PCDHGB5: variants seen among roughly 807,000 people sequenced by gnomAD.
PCDHGB5 encodes protocadherin gamma-B5.
Under a neutral mutation model 62.9 loss-of-function variants are expected in PCDHGB5, and 48 were observed. The observed-to-expected ratio is 0.76, with a 90% CI of 0.61 to 0.97. PCDHGB5 has a LOEUF of 0.97. PCDHGB5 is among the 50% of genes least tolerant of loss of function. The pLI is 0.00. For synonymous variants in PCDHGB5, 474 were observed against 511.2 expected, an observed-to-expected ratio of 0.93 and a Z score of 0.98; for missense variants, 1,118 against 1,198.6, an observed-to-expected ratio of 0.93 and a Z score of 0.99.
At chr5:141,401,667 C>T (rs539975682) in intron 1 of PCDHGB5, among the ~76,000 whole-genome samples, 1 of 152,340 alleles carries the variant, frequency 6.6e-6, no homozygotes, top group South Asian at 2.1e-4. Context: ...GTTTTCTCAA[C>T]ATCCTTGTAG....
At chr5:141,450,869 G>A (rs1435272731) in intron 1 of PCDHGB5, among the ~76,000 whole-genome samples, 1 of 147,142 alleles carries the variant, frequency 6.8e-6, no homozygotes, top group Admixed American at 6.9e-5. Context: ...CTGTCACCCA[G>A]GCTGGTGTGC....
intron 1 of PCDHGB5, among the ~76,000 whole-genome samples, chr5:141,405,967 G>A (rs76683972): frequency 6.6e-6 from 1 of 152,068 alleles, no homozygotes; most frequent in Non-Finnish European, 1.5e-5. Flanking sequence ...TGCTGTCAAC[G>A]TAAACCATAC....
rs745457172 is a variant in PCDHGB5 at position 141,490,744 on chromosome 5, C to T, written c.2398-4063C>T. The stretch of plus-strand genomic sequence containing the variant: ...TGTAGGAAATCAGGTTCAGGGAGCC[C>T]CAGCCTCCTCCTTTGTGTATGTCAA... On this transcript the variant is annotated intron_variant, in intron 1 of 3. Coordinates refer to ENST00000617380, the MANE Select transcript of PCDHGB5 (RefSeq NM_018925.3). The surrounding 1 kb of genome is among the most constrained non-coding windows in gnomAD (Gnocchi z 5.4). 1 of 1,614,142 alleles carries T rather than the reference C, an allele frequency of 6.2e-7. No homozygotes were observed. Among genetic ancestry groups the T allele is most frequent in the Non-Finnish European group, 8.5e-7 (1 of 1,180,006 alleles).
chr5:141,423,605 T>G lies in PCDHGB5; in HGVS notation c.2397+23081T>G. The G allele has an allele frequency of 1.6e-5, 26 of 1,612,620 alleles. No individual in the cohort carries two copies. Among genetic ancestry groups the G allele is most frequent in the Non-Finnish European group, 2.0e-5 (24 of 1,179,120 alleles). On this transcript the variant is annotated intron_variant, in intron 1 of 3. Transcript: ENST00000617380. Reference sequence around the variant, plus strand: ...AGCTGTGAGAAAAGCGAGCCACTCTTGATAGCTGAAGACTCAGCTATCATT... The same window carrying G: ...AGCTGTGAGAAAAGCGAGCCACTCTGGATAGCTGAAGACTCAGCTATCATT...
At chr5:141,473,450 T>A (rs2099322542) in intron 1 of PCDHGB5, among the ~76,000 whole-genome samples, 2 of 152,150 alleles carry the variant, frequency 1.3e-5, no homozygotes, top group South Asian at 4.1e-4. Flanking sequence ...AAAATAATTA[T>A]AAAATTTAAA....
At position 141,491,823 on chromosome 5, in the gene PCDHGB5, C is replaced by G; in HGVS notation, c.2398-2984C>G. Reference sequence around the variant, plus strand: ...GCCGGCTTGGTCGCTGGCTGCGCTCCACCCGATTCTCGGGATCATTGGACC... The same window carrying G: ...GCCGGCTTGGTCGCTGGCTGCGCTCGACCCGATTCTCGGGATCATTGGACC... On this transcript the variant is annotated intron_variant, in intron 1 of 3. Transcript: ENST00000617380. The surrounding 1 kb of genome is among the most constrained non-coding windows in gnomAD (Gnocchi z 6.9). The G allele has an allele frequency of 6.8e-7, 1 of 1,479,156 alleles. No individual in the cohort carries two copies. Among genetic ancestry groups the G allele is most frequent in the Non-Finnish European group, 9.0e-7 (1 of 1,115,292 alleles). 91.6% of individuals were successfully genotyped at this position (1,479,156 alleles called of 1,614,324 possible). A position where few individuals can be genotyped will look rare whatever the true frequency, so the allele number is the denominator to read the frequency against.
intron 1 of PCDHGB5, chr5:141,422,820 G>A (rs904706749): frequency 6.2e-6 from 10 of 1,614,178 alleles, no homozygotes; most frequent in Non-Finnish European, 7.6e-6. Flanking sequence ...ACTTAGAACT[G>A]AGAGTGATAG....
rs1225265096 is a variant in PCDHGB5 at position 141,490,666 on chromosome 5, G to A, written c.2398-4141G>A. Reference sequence around the variant, plus strand: ...GCCTCCGGGCTCCCTTCTTTGCACTGTGGCTGCCTCAGATCCAGACACTGG... The same window carrying A: ...GCCTCCGGGCTCCCTTCTTTGCACTATGGCTGCCTCAGATCCAGACACTGG... On this transcript the variant is annotated intron_variant, in intron 1 of 3. Coordinates refer to ENST00000617380, the MANE Select transcript of PCDHGB5 (RefSeq NM_018925.3). The surrounding 1 kb of genome is among the most constrained non-coding windows in gnomAD (Gnocchi z 5.4). The A allele has an allele frequency of 1.2e-6, 2 of 1,614,134 alleles. No homozygotes were observed. The highest frequency in any genetic ancestry group is 3.3e-5 in the Admixed American group (2 of 60,026).
chr5:141,427,683 G>T, intron 1 of PCDHGB5: 1 of 836,052 alleles, frequency 1.2e-6, no homozygotes, highest in African/African-American at 1.7e-5. Context: ...CCTTCCCGGA[G>T]CCTCCATCCC....
At chr5:141,495,710 G>C (rs2099763133) in intron 2 of PCDHGB5, among the ~76,000 whole-genome samples, 1 of 152,148 alleles carries the variant, frequency 6.6e-6, no homozygotes, top group Non-Finnish European at 1.5e-5. Flanking sequence ...TGTGGAGTGA[G>C]TAACTACACG....
At position 141,487,447 on chromosome 5, in the gene PCDHGB5, C is replaced by A. The variant is rs758411138; in HGVS notation, c.2398-7360C>A. 4.3e-6 allele frequency: 7 copies of A among 1,614,182 alleles called. No homozygotes were observed. The highest frequency in any genetic ancestry group is 5.9e-6 in the Non-Finnish European group (7 of 1,180,028). Reference sequence around the variant, plus strand: ...TCCGAATCCAGCTAGGGTCAGATGACCCTATCAAGTTTGTTGATGTGGGAG... The same window carrying A: ...TCCGAATCCAGCTAGGGTCAGATGAACCTATCAAGTTTGTTGATGTGGGAG... On this transcript the variant is annotated intron_variant, in intron 1 of 3. Coordinates refer to ENST00000617380, the MANE Select transcript of PCDHGB5 (RefSeq NM_018925.3). The surrounding 1 kb of genome is among the most constrained non-coding windows in gnomAD (Gnocchi z 5.0).
Position 141,423,504 on chromosome 5 carries a change from T to G in PCDHGB5, c.2397+22980T>G, listed in dbSNP as rs1448233226. ...TGCAAACCTATTCCCACGAGGTCTCTCTCATTGCGGACTCGCAGAAGAGTC... is the reference window on the plus strand; with the variant it reads ...TGCAAACCTATTCCCACGAGGTCTCGCTCATTGCGGACTCGCAGAAGAGTC... On this transcript the variant is annotated intron_variant, in intron 1 of 3. Transcript: ENST00000617380. The G allele has an allele frequency of 3.1e-6, 5 of 1,613,770 alleles. No individual in the cohort carries two copies. The Admixed American group carries it at 8.3e-5, about 27-fold the overall frequency.
At chr5:141,474,671 A>G (rs2099352865) in intron 1 of PCDHGB5, among the ~76,000 whole-genome samples, 1 of 152,204 alleles carries the variant, frequency 6.6e-6, no homozygotes, top group South Asian at 2.1e-4. Context: ...TACCTAACCT[A>G]TGTGCCTACC....
At chr5:141,488,872 T>C (rs773185475) in intron 1 of PCDHGB5, among the ~76,000 whole-genome samples, 4 of 151,794 alleles carry the variant, frequency 2.6e-5, no homozygotes, top group Non-Finnish European at 5.9e-5. Flanking sequence ...AGTGGGGAGG[T>C]AGGAAGCTTC....
rs554777335 is a variant in PCDHGB5, at chr5:141,398,121, A to C, written c.-7A>C. On this transcript the variant is annotated 5_prime_UTR_variant, in exon 1 of 4. Transcript: ENST00000617380. ...GGCTGGTGAGCAAGCTGAGGAGAGC[A>C]AGAGGGATGGGGAGCGGCGCCGGGG... is the stretch of plus-strand genomic sequence containing the variant. 28 of 1,590,306 alleles carry C rather than the reference A, an allele frequency of 1.8e-5. No individual in the cohort carries two copies. Among genetic ancestry groups the C allele is most frequent in the Admixed American group, 3.6e-5 (2 of 56,242 alleles).
At position 141,399,821 on chromosome 5, in the gene PCDHGB5, C is replaced by T; in HGVS notation, c.1694C>T (p.Pro565Leu). 1 of 1,613,210 alleles carries T rather than the reference C, an allele frequency of 6.2e-7. No individual in the cohort carries two copies. Among genetic ancestry groups the T allele is most frequent in the Non-Finnish European group, 8.5e-7 (1 of 1,179,772 alleles). Residue 565 changes from proline to leucine, a missense_variant, in exon 1 of 4, where the codon CCC becomes CTC. Pro to Leu is a moderately conservative substitution (Grantham distance 98, BLOSUM62 -3). This residue lies in a region of PCDHGB5 where 1,034 missense variants were observed against 1,029.1 expected (regional missense o/e 1.00). Coordinates refer to ENST00000617380, the MANE Select transcript of PCDHGB5 (RefSeq NM_018925.3). ...APRVLYPALG[P>L]DGSALFDMVP... ...CGGGTGCTGTACCCCGCGCTGGGTC[C>T]CGACGGCTCTGCGCTCTTCGATATG...
chr5:141,461,988 T>A (rs771762127), intron 1 of PCDHGB5, among the ~76,000 whole-genome samples: 1 of 152,170 alleles, frequency 6.6e-6, no homozygotes, highest in Non-Finnish European at 1.5e-5. Flanking sequence ...CACGCCAGGC[T>A]AATTTTGTAT....
At position 141,399,277 on chromosome 5, in the gene PCDHGB5, G is replaced by T; in HGVS notation, c.1150G>T (p.Gly384Cys). Residue 384 changes from glycine to cysteine, a missense_variant, in exon 1 of 4, where the codon GGC becomes TGC. Physicochemically the swap from Gly to Cys is radical, Grantham distance 159 (BLOSUM62 -3). Coordinates refer to ENST00000617380, the MANE Select transcript of PCDHGB5 (RefSeq NM_018925.3). ...TGGGGAGGTTAATTGTCAATTACAA[G>T]GCGAAGTCCCTTTTAAGATTATCTC... is the stretch of plus-strand genomic sequence containing the variant. The part of the protein sequence containing the change: ...ENGEVNCQLQ[G>C]EVPFKIISSS... 1 of 1,613,890 alleles carries T rather than the reference G, an allele frequency of 6.2e-7. No individual in the cohort carries two copies. Among genetic ancestry groups the T allele is most frequent in the Non-Finnish European group, 8.5e-7 (1 of 1,179,848 alleles).
intron 1 of PCDHGB5, among the ~76,000 whole-genome samples, chr5:141,456,244 T>C (rs1382294283): frequency 6.6e-6 from 1 of 152,144 alleles, no homozygotes; most frequent in East Asian, 1.9e-4. Context: ...GTTAGGAGGC[T>C]TTGGGCGACC....
Sources: gnomAD v4.1 joint callset for allele counts (sites outside exome capture counted in the v4.1 genomes callset) on GRCh38, gnomAD v4.1.1 for gene constraint, gnomAD v4.1.1 regional missense constraint, Gnocchi (gnomAD v3.1) non-coding constraint, MANE v1.5 for transcripts, NCBI Gene and HGNC (gene_info 2026-07-23, HGNC 2026-07-21) for gene names.